TENM4: variants seen among roughly 807,000 people sequenced by gnomAD.
TENM4 encodes teneurin-4.
A neutral mutation model predicts 243.3 loss-of-function variants in TENM4; 82 were observed. The ratio of observed to expected loss-of-function variants is 0.34; its 90% confidence interval spans 0.28 to 0.40. The LOEUF is 0.40. Among genes scored for constraint, TENM4 ranks in the 10% least tolerant of loss-of-function variants. The pLI is 1.00. For missense variants in TENM4, 3,138 were observed against 3,673.3 expected (o/e 0.85, Z 3.77); for synonymous variants, 1,412 against 1,456.3 (o/e 0.97, Z 0.69).
At chr11:79,128,128 G>A (rs1861921069) in intron 4 of TENM4, among the ~76,000 whole-genome samples, 1 of 152,218 alleles carries the variant, frequency 6.6e-6, no homozygotes, top group African/African-American at 2.4e-5. Flanking sequence ...AGGTGTCAGT[G>A]GCAGATAGGG....
At chr11:79,431,228 G>C (rs915356346) in intron 1 of TENM4, among the ~76,000 whole-genome samples, 3 of 152,162 alleles carry the variant, frequency 2.0e-5, no homozygotes, top group African/African-American at 7.2e-5. Context: ...TAGCAGTATA[G>C]TGTTTAGTAT....
intron 1 of TENM4, among the ~76,000 whole-genome samples, chr11:79,349,751 T>A (rs954129): frequency 0.18 from 26,751 of 152,070 alleles, 2,420 homozygotes; most frequent in Non-Finnish European, 0.2. Flanking sequence ...CCAGGAAAGC[T>A]CTCTCTGGAA....
chr11:79,262,846 C>T (rs576760778), intron 2 of TENM4, among the ~76,000 whole-genome samples: 18 of 152,150 alleles, frequency 1.2e-4, no homozygotes, highest in African/African-American at 1.4e-4. Flanking sequence ...AGGATATCTT[C>T]GAGGAAAAAA....
chr11:78,901,777 G>C (rs1043251364), intron 7 of TENM4, among the ~76,000 whole-genome samples: 2 of 152,168 alleles, frequency 1.3e-5, no homozygotes, highest in African/African-American at 4.8e-5. Context: ...GAGGCACACA[G>C]GGAAAAATCA....
chr11:79,296,641 C>G (rs1856459395), intron 2 of TENM4, among the ~76,000 whole-genome samples: 1 of 152,230 alleles, frequency 6.6e-6, no homozygotes, highest in Non-Finnish European at 1.5e-5. Context: ...GTGGAACAGT[C>G]TGCTGTTATT....
intron 4 of TENM4, among the ~76,000 whole-genome samples, chr11:79,091,357 A>G (rs961250346): frequency 6.6e-6 from 1 of 152,108 alleles, no homozygotes; most frequent in Non-Finnish European, 1.5e-5. Context: ...CCTTTTACAT[A>G]TATCTATTGA....
At chr11:78,705,210 G>T in intron 27 of TENM4, among the ~76,000 whole-genome samples, 1 of 152,192 alleles carries the variant, frequency 6.6e-6, no homozygotes, top group South Asian at 2.1e-4. Context: ...ACCTGCTTGT[G>T]GAGACCTTTC....
intron 1 of TENM4, among the ~76,000 whole-genome samples, chr11:79,383,889 T>A (rs1224292471): frequency 6.6e-6 from 1 of 152,216 alleles, no homozygotes; most frequent in Non-Finnish European, 1.5e-5. Flanking sequence ...CAGAAATGAA[T>A]GTTCACATAA....
chr11:79,391,887 C>T (rs567257208), intron 1 of TENM4, among the ~76,000 whole-genome samples: 47 of 152,276 alleles, frequency 3.1e-4, no homozygotes, highest in African/African-American at 1.0e-3. Context: ...GCTGTGAGCA[C>T]TCCTATTGTT....
chr11:78,696,252 GTC>G (rs373257190), intron 28 of TENM4, among the ~76,000 whole-genome samples: 1 of 152,056 alleles, frequency 6.6e-6, no homozygotes, highest in African/African-American at 2.4e-5. Context: ...TATCGTTTCT[GTC>G]TCTCTGCTAA....
chr11:79,260,457 A>G lies in TENM4; in HGVS notation c.-265+37031T>C, dbSNP rs559545935. On this transcript the variant is annotated intron_variant, in intron 2 of 33. Transcript: ENST00000278550. ...CTTACTTAGCTTTTACAATCACCTTAAAAAATAGAGATTGTTAGCTCCACT... is the reference window on the plus strand; with the variant it reads ...CTTACTTAGCTTTTACAATCACCTTGAAAAATAGAGATTGTTAGCTCCACT... Among the ~76,000 whole-genome samples the G allele has an allele frequency of 4.6e-5, 7 of 152,294 alleles. No individual in the cohort carries two copies. The South Asian group carries it at 6.2e-4, about 14-fold the overall frequency.
At chr11:78,824,070 T>C (rs1321898231) in intron 12 of TENM4, among the ~76,000 whole-genome samples, 1 of 152,134 alleles carries the variant, frequency 6.6e-6, no homozygotes, top group Non-Finnish European at 1.5e-5. Context: ...GGATTTCTAC[T>C]CCTACCTAAC....
At position 79,335,436 on chromosome 11, in the gene TENM4, A is replaced by C. The variant is rs537234658; in HGVS notation, c.-320-37893T>G. The stretch of plus-strand genomic sequence containing the variant: ...GGCAGGTTGATTAGCATTGCGGAGA[A>C]GACATAAACTAAGAAATGGCTGTAT... On this transcript the variant is annotated intron_variant, in intron 1 of 33. Coordinates refer to ENST00000278550, the MANE Select transcript of TENM4 (RefSeq NM_001098816.3). Among the ~76,000 whole-genome samples the C allele has an allele frequency of 7.9e-5, 12 of 152,370 alleles. No individual in the cohort carries two copies. In the East Asian group the frequency reaches 2.1e-3, roughly 27 times the overall value.
chr11:79,173,767 A>G lies in TENM4; in HGVS notation c.-162-24961T>C, dbSNP rs535354800. ...ATAGCAATCTGGGACTCGAGAAGTG[A>G]AAGCTGTAATAGTGCAGTTGCCGCC... On this transcript the variant is annotated intron_variant, in intron 3 of 33. Transcript: ENST00000278550. Among the ~76,000 whole-genome samples, 50 of 152,316 alleles carry G rather than the reference A, an allele frequency of 3.3e-4. No individual in the cohort carries two copies. In the South Asian group the frequency reaches 9.7e-3, roughly 30 times the overall value.
At chr11:79,167,179 C>T (rs551556328) in intron 3 of TENM4, among the ~76,000 whole-genome samples, 2 of 152,212 alleles carry the variant, frequency 1.3e-5, no homozygotes, top group African/African-American at 4.8e-5. Flanking sequence ...CTCTTCCATA[C>T]TTAGCATTTT....
chr11:78,864,295 G>A (rs1053840557), intron 9 of TENM4, among the ~76,000 whole-genome samples: 9 of 151,214 alleles, frequency 6.0e-5, no homozygotes, highest in East Asian at 1.9e-4. Flanking sequence ...TTAGCCGGGC[G>A]TAGTGGCGGG....
intron 6 of TENM4, among the ~76,000 whole-genome samples, chr11:79,015,377 A>G (rs1245024837): frequency 1.3e-5 from 2 of 152,190 alleles, no homozygotes; most frequent in African/African-American, 4.8e-5. Context: ...CTCCTTAGGT[A>G]CGAGGAATGC....
chr11:79,437,396 G>T (rs1452653348), intron 1 of TENM4, among the ~76,000 whole-genome samples: 1 of 152,214 alleles, frequency 6.6e-6, no homozygotes, highest in African/African-American at 2.4e-5. Context: ...GCAGGAACGC[G>T]GCCGGGCCGG....
At chr11:78,768,778 G>A (rs1856591162) in intron 18 of TENM4, among the ~76,000 whole-genome samples, 1 of 152,190 alleles carries the variant, frequency 6.6e-6, no homozygotes, top group South Asian at 2.1e-4. Context: ...CCTGGGGTCT[G>A]CATCAGCCCC....
Sources: allele counts gnomAD v4.1 joint callset (sites outside exome capture counted in the v4.1 genomes callset), GRCh38; gene constraint gnomAD v4.1.1; transcripts MANE v1.5; gene names NCBI Gene and HGNC (gene_info 2026-07-23, HGNC 2026-07-21).